POU6F2: variants seen among roughly 807,000 people sequenced by gnomAD.
POU6F2 encodes the protein POU class 6 homeobox 2, also known as POU domain, class 6, transcription factor 2.
A neutral mutation model predicts 71.3 loss-of-function variants in POU6F2; 31 were observed. That is an observed-to-expected ratio of 0.43 (90% CI 0.33 to 0.59). The LOEUF (loss-of-function observed/expected upper bound fraction) is 0.59, where lower values mean the gene tolerates loss of function less well. Ranked by LOEUF, POU6F2 falls within the 20% of genes least tolerant of loss-of-function variation. The pLI, the probability that POU6F2 is intolerant of heterozygous loss-of-function variation, is 0.04. For missense variants in POU6F2, 783 were observed against 856.8 expected, an observed-to-expected ratio of 0.91 and a Z score of 1.07; for synonymous variants, 347 against 355.7, an observed-to-expected ratio of 0.98 and a Z score of 0.27.
intron 4 of POU6F2, among the ~76,000 whole-genome samples, chr7:39,277,752 A>G (rs1194669046): frequency 6.6e-6 from 1 of 152,054 alleles, no homozygotes; most frequent in African/African-American, 2.4e-5. Context: ...GTTGGAGCCA[A>G]GCTGCCCTAT....
At chr7:38,987,590 G>A (rs1033950309) in intron 1 of POU6F2, among the ~76,000 whole-genome samples, 26 of 152,024 alleles carry the variant, frequency 1.7e-4, no homozygotes, top group African/African-American at 6.3e-4. Flanking sequence ...GTTAAATAAT[G>A]CAGTCACAAG....
At chr7:39,004,534 T>TG (rs1554306029) in intron 1 of POU6F2, among the ~76,000 whole-genome samples, 1 of 152,208 alleles carries the variant, frequency 6.6e-6, no homozygotes, top group Non-Finnish European at 1.5e-5. Context: ...TTTGGACCTC[T>TG]GAGTTAGAGG....
intron 1 of POU6F2, among the ~76,000 whole-genome samples, chr7:39,006,229 C>T (rs1185713453): frequency 6.6e-6 from 1 of 151,962 alleles, no homozygotes; most frequent in African/African-American, 2.4e-5. Context: ...TTTGGGAGGC[C>T]GAGGCAGGCA....
intron 1 of POU6F2, among the ~76,000 whole-genome samples, chr7:39,010,674 T>C (rs1322937215): frequency 7.2e-6 from 1 of 139,440 alleles, no homozygotes; most frequent in Admixed American, 7.3e-5. Context: ...GCTATAAATT[T>C]CCCTCTACAC....
At chr7:39,376,955 A>G (rs1786722134) in intron 5 of POU6F2, among the ~76,000 whole-genome samples, 2 of 148,608 alleles carry the variant, frequency 1.3e-5, no homozygotes, top group African/African-American at 4.9e-5. Flanking sequence ...GCATATTTAC[A>G]TATTTCATTA....
chr7:38,985,250 A>C (rs1225395312), intron 1 of POU6F2, among the ~76,000 whole-genome samples: 2 of 152,142 alleles, frequency 1.3e-5, no homozygotes, highest in African/African-American at 4.8e-5. Context: ...TAATACTAGA[A>C]AACAAGCCTC....
intron 2 of POU6F2, among the ~76,000 whole-genome samples, chr7:39,143,859 G>A (rs930285072): frequency 4.6e-5 from 7 of 152,144 alleles, no homozygotes; most frequent in Non-Finnish European, 1.0e-4. Context: ...ATTGAACTAC[G>A]TCAATTATTG....
At chr7:39,045,204 G>A (rs1301136177) in intron 1 of POU6F2, among the ~76,000 whole-genome samples, 2 of 151,894 alleles carry the variant, frequency 1.3e-5, no homozygotes, top group Non-Finnish European at 2.9e-5. Flanking sequence ...TTCGCATCCC[G>A]TACCTATAGC....
rs776509355 is a variant in POU6F2 at position 39,100,124 on chromosome 7, G to T, written c.277+14093G>T. Among the ~76,000 whole-genome samples, 8 of 152,276 alleles carry T rather than the reference G, an allele frequency of 5.3e-5. 1 individual carries two copies. Among genetic ancestry groups the T allele is most frequent in the Admixed American group, 5.2e-4 (8 of 15,304 alleles). ...AACATGCCTTCAACTAGAAATTCAT[G>T]GAGTCCTCATTCCTTAAGGAATTTT... On this transcript the variant is annotated intron_variant, in intron 2 of 9. Transcript: ENST00000518318.
At chr7:39,074,484 C>CAAA in intron 1 of POU6F2, among the ~76,000 whole-genome samples, 1 of 145,338 alleles carries the variant, frequency 6.9e-6, no homozygotes, top group African/African-American at 2.5e-5. Flanking sequence ...GTCCCCCCCT[C>CAAA]AAAAAAAAAA....
chr7:39,073,029 G>T (rs1043670061), intron 1 of POU6F2, among the ~76,000 whole-genome samples: 1 of 152,122 alleles, frequency 6.6e-6, no homozygotes, highest in Admixed American at 6.5e-5. Context: ...CTACTAGATG[G>T]TGACTTTTTT....
chr7:39,185,780 G>A (rs952367731), intron 2 of POU6F2, among the ~76,000 whole-genome samples: 28 of 150,852 alleles, frequency 1.9e-4, no homozygotes, highest in African/African-American at 6.6e-4. Context: ...GTAATGAGAA[G>A]TATGACAACT....
At chr7:39,214,771 G>T (rs1794208155) in intron 4 of POU6F2, among the ~76,000 whole-genome samples, 1 of 152,198 alleles carries the variant, frequency 6.6e-6, no homozygotes, top group South Asian at 2.1e-4. Flanking sequence ...GGCATGAGGA[G>T]ACTAGAGTCT....
At chr7:39,113,233 A>G (rs893107528) in intron 2 of POU6F2, among the ~76,000 whole-genome samples, 4 of 152,042 alleles carry the variant, frequency 2.6e-5, no homozygotes, top group Non-Finnish European at 5.9e-5. Context: ...GTTCTGTTTT[A>G]TTTTATTTTT....
At chr7:39,017,488 C>T (rs548523496) in intron 1 of POU6F2, among the ~76,000 whole-genome samples, 24 of 152,230 alleles carry the variant, frequency 1.6e-4, no homozygotes, top group African/African-American at 5.3e-4. Context: ...ACCCAGCAGC[C>T]GTCTTATGAT....
intron 2 of POU6F2, among the ~76,000 whole-genome samples, chr7:39,140,457 G>A (rs896814992): frequency 3.9e-5 from 6 of 152,348 alleles, no homozygotes; most frequent in African/African-American, 9.6e-5. Flanking sequence ...AGAAATCAAA[G>A]TGTCAGCAGG....
At chr7:39,399,686 G>A (rs529473286) in intron 5 of POU6F2, among the ~76,000 whole-genome samples, 10 of 151,936 alleles carry the variant, frequency 6.6e-5, no homozygotes, top group Non-Finnish European at 1.3e-4. Context: ...AGACCCTATG[G>A]CTACAAAATC....
chr7:39,025,350 A>G (rs1159704526), intron 1 of POU6F2, among the ~76,000 whole-genome samples: 3 of 152,188 alleles, frequency 2.0e-5, no homozygotes, highest in Non-Finnish European at 4.4e-5. Context: ...TTCAGACTAC[A>G]CTACAAGGCT....
chr7:38,992,348 T>C (rs1192738351), intron 1 of POU6F2, among the ~76,000 whole-genome samples: 2 of 152,218 alleles, frequency 1.3e-5, no homozygotes, highest in South Asian at 2.1e-4. Flanking sequence ...TCTATTTTCA[T>C]ATGATGTCTA....
Sources: allele counts gnomAD v4.1 joint callset (sites outside exome capture counted in the v4.1 genomes callset), GRCh38; gene constraint gnomAD v4.1.1; transcripts MANE v1.5; gene names NCBI Gene and HGNC (gene_info 2026-07-23, HGNC 2026-07-21).